Variants in ZNF385D observed in about 807,000 individuals in gnomAD.
The protein encoded by ZNF385D is zinc finger protein 385D, also known as zinc finger protein 659.
A neutral mutation model predicts 35.8 loss-of-function variants in ZNF385D; 15 were observed. The observed-to-expected ratio is 0.42, with a 90% confidence interval of 0.28 to 0.64. The LOEUF (loss-of-function observed/expected upper bound fraction) is 0.64, where lower values mean the gene tolerates loss of function less well. ZNF385D is among the 30% of genes least tolerant of loss of function. The probability of loss-of-function intolerance (pLI) is 0.23; values close to 1 mark genes in which losing one functional copy is unlikely to be tolerated. For missense variants in ZNF385D, 474 were observed against 494.6 expected (o/e 0.96, Z 0.39); for synonymous variants, 212 against 186.8 (o/e 1.13, Z -1.10).
At chr3:21,982,644 G>C (rs774280752) in intron 3 of ZNF385D, among the ~76,000 whole-genome samples, 2 of 151,934 alleles carry the variant, frequency 1.3e-5, no homozygotes, top group African/African-American at 2.4e-5. Flanking sequence ...GTGACAGACA[G>C]CATACTTGTC....
chr3:22,327,389 G>A (rs1023274511), intron 2 of ZNF385D, among the ~76,000 whole-genome samples: 2 of 152,088 alleles, frequency 1.3e-5, no homozygotes, highest in African/African-American at 2.4e-5. Flanking sequence ...CCTGCCTATC[G>A]GTGTCCTACA....
chr3:21,694,940 T>C (rs575460069), intron 1 of ZNF385D, among the ~76,000 whole-genome samples: 16 of 152,190 alleles, frequency 1.1e-4, no homozygotes, highest in Non-Finnish European at 1.5e-5. Flanking sequence ...GAAGGAAGCA[T>C]GCATCAGCTT....
intron 5 of ZNF385D, among the ~76,000 whole-genome samples, chr3:21,431,350 A>G (rs1559441452): frequency 6.6e-6 from 1 of 152,176 alleles, no homozygotes; most frequent in Non-Finnish European, 1.5e-5. Flanking sequence ...TTATTAGGTA[A>G]TATACCTGAA....
intron 3 of ZNF385D, among the ~76,000 whole-genome samples, chr3:22,099,007 G>T (rs1701780887): frequency 6.6e-6 from 1 of 151,898 alleles, no homozygotes; most frequent in Admixed American, 6.6e-5. Flanking sequence ...CTTCTTCATG[G>T]ATATTTATCA....
chr3:22,094,385 G>GAGATATATATATATATAT (rs1491256865), intron 3 of ZNF385D, among the ~76,000 whole-genome samples: 1,212 of 70,456 alleles, frequency 0.017, 11 homozygotes, highest in Non-Finnish European at 0.025. Context: ...ATTTATTGTT[G>GAGATATATATATATATAT]ATATATATAT....
chr3:22,176,995 CA>C (rs1694876019), intron 2 of ZNF385D, among the ~76,000 whole-genome samples: 1 of 152,138 alleles, frequency 6.6e-6, no homozygotes, highest in Admixed American at 6.5e-5. Flanking sequence ...ACTATTATTA[CA>C]TTTTTTTAGC....
chr3:21,774,911 T>C (rs2071224325), intron 3 of ZNF385D, among the ~76,000 whole-genome samples: 1 of 151,892 alleles, frequency 6.6e-6, no homozygotes, highest in South Asian at 2.1e-4. Context: ...ACTGAGAGGA[T>C]AGGTCCAGGT....
intron 3 of ZNF385D, among the ~76,000 whole-genome samples, chr3:22,108,354 G>T (rs780580160): frequency 1.3e-5 from 2 of 151,058 alleles, no homozygotes; most frequent in Non-Finnish European, 3.0e-5. Context: ...TACATATAAT[G>T]AAAGGTTTTT....
chr3:21,940,666 A>G (rs627773), intron 3 of ZNF385D, among the ~76,000 whole-genome samples: 39,967 of 152,072 alleles, frequency 0.26, 5,959 homozygotes, highest in Admixed American at 0.41. Flanking sequence ...AATATAGTTC[A>G]CTATATTTCA....
At chr3:21,462,886 G>C (rs774612884) in intron 4 of ZNF385D, among the ~76,000 whole-genome samples, 7 of 152,132 alleles carry the variant, frequency 4.6e-5, no homozygotes, top group Admixed American at 4.6e-4. Context: ...GGAAGTTGAG[G>C]CAGCAGAATC....
At chr3:21,752,765 C>T (rs1207217756), upstream of ZNF385D, among the ~76,000 whole-genome samples, 1 of 151,958 alleles carries the variant, frequency 6.6e-6, no homozygotes, top group East Asian at 1.9e-4. Flanking sequence ...TTTTTACTCC[C>T]TTTTAAAAAT....
At chr3:22,326,480 GA>G (rs1469247917) in intron 2 of ZNF385D, among the ~76,000 whole-genome samples, 54 of 152,150 alleles carry the variant, frequency 3.5e-4, no homozygotes, top group Non-Finnish European at 1.6e-4. Flanking sequence ...ATGCCTTGAG[GA>G]AAGTGTTATC....
chr3:21,798,263 G>C (rs994891652), intron 3 of ZNF385D, among the ~76,000 whole-genome samples: 1 of 152,172 alleles, frequency 6.6e-6, no homozygotes, highest in East Asian at 1.9e-4. Context: ...GTTCTTCGGC[G>C]CATGGCCTCA....
chr3:22,074,488 G>A (rs548782328), intron 3 of ZNF385D, among the ~76,000 whole-genome samples: 10 of 152,038 alleles, frequency 6.6e-5, no homozygotes, highest in Non-Finnish European at 1.3e-4. Flanking sequence ...CATGAATCTT[G>A]CATATTGGTT....
rs576680066 is a variant in ZNF385D, at chr3:21,692,835, A to C, written c.23-27807T>G. Among the ~76,000 whole-genome samples, 35 of 152,338 alleles carry C rather than the reference A, an allele frequency of 2.3e-4. No homozygotes were observed. The East Asian group carries it at 4.3e-3, about 18-fold the overall frequency. On this transcript the variant is annotated intron_variant, in intron 1 of 7. Coordinates refer to ENST00000281523, the MANE Select transcript of ZNF385D (RefSeq NM_024697.3). ...CACAATTCCCATGTGTCTCAGGCAG[A>C]ATAACCATGTCTTTGTCTGAGCTAC...
intron 2 of ZNF385D, among the ~76,000 whole-genome samples, chr3:22,219,777 G>C (rs1401456622): frequency 2.0e-5 from 3 of 152,108 alleles, no homozygotes; most frequent in Non-Finnish European, 4.4e-5. Flanking sequence ...ATTTTGAATA[G>C]TCTTGGATCA....
intron 3 of ZNF385D, among the ~76,000 whole-genome samples, chr3:21,763,741 T>C (rs770882896): frequency 2.3e-4 from 35 of 151,850 alleles, no homozygotes; most frequent in Non-Finnish European, 4.7e-4. Context: ...GAGAAATATG[T>C]AGCATCTACC....
chr3:22,089,426 G>C (rs1316520005), intron 3 of ZNF385D, among the ~76,000 whole-genome samples: 5 of 152,170 alleles, frequency 3.3e-5, no homozygotes, highest in Non-Finnish European at 7.4e-5. Context: ...GAGGAAGAAA[G>C]GGTTTTATTT....
At chr3:21,540,855 G>A (rs162412) in intron 3 of ZNF385D, among the ~76,000 whole-genome samples, 34,757 of 151,918 alleles carry the variant, frequency 0.23, 4,102 homozygotes, top group African/African-American at 0.28. Context: ...TCTTGCCTCC[G>A]TTTCTCTTCA....
Sources: gnomAD v4.1 joint callset for allele counts (sites outside exome capture counted in the v4.1 genomes callset) on GRCh38, gnomAD v4.1.1 for gene constraint, MANE v1.5 for transcripts, NCBI Gene and HGNC (gene_info 2026-07-23, HGNC 2026-07-21) for gene names.